KYNU: variants seen among roughly 807,000 people sequenced by gnomAD.
KYNU encodes the protein L-kynurenine hydrolase.
In KYNU, 54 loss-of-function variants were observed where a neutral mutation model predicts 59.2. The ratio of observed to expected loss-of-function variants is 0.91; its 90% CI spans 0.73 to 1.14. The LOEUF is 1.14. Ranked by LOEUF, KYNU falls within the 50% of genes most tolerant of loss-of-function variation. The pLI is 0.00. For missense variants in KYNU, 567 were observed against 554.4 expected (o/e 1.02, Z -0.23); for synonymous variants, 177 against 192.0 (o/e 0.92, Z 0.65).
chr2:142,906,068 T>C lies in KYNU; in HGVS notation c.170-12541T>C, dbSNP rs576566509. Among the ~76,000 whole-genome samples, 1,148 of 151,610 alleles carry C rather than the reference T, an allele frequency of 7.6e-3. 13 individuals carry two copies. Among genetic ancestry groups the C allele is most frequent in the African/African-American group, 0.027 (1,107 of 41,214 alleles). Reference sequence around the variant, plus strand: ...CTCTCTCTGCCTCTTTCTCTTTCTCTCCTCTCTGTCTCTCTCTCTCTCTCA... The same window carrying C: ...CTCTCTCTGCCTCTTTCTCTTTCTCCCCTCTCTGTCTCTCTCTCTCTCTCA... On this transcript the variant is annotated intron_variant, in intron 2 of 13. Transcript: ENST00000264170.
intron 8 of KYNU, among the ~76,000 whole-genome samples, chr2:142,974,432 G>A (rs1684827628): frequency 6.6e-6 from 1 of 152,198 alleles, no homozygotes. Context: ...AAACAGGAAA[G>A]GCAGCTTCTA....
At chr2:143,029,856 T>G (rs1686692522) in intron 11 of KYNU, among the ~76,000 whole-genome samples, 177 bp downstream of exon 11, 1 of 152,134 alleles carries the variant, frequency 6.6e-6, no homozygotes, top group South Asian at 2.1e-4. Flanking sequence ...GTTTATAGAT[T>G]TTAGCATGAT....
chr2:142,968,871 C>A (rs1270613169), intron 8 of KYNU, among the ~76,000 whole-genome samples: 2 of 152,064 alleles, frequency 1.3e-5, no homozygotes, highest in Non-Finnish European at 2.9e-5. Context: ...CAAGATCACA[C>A]CATTGCACTC....
rs188180123 is a variant in KYNU at position 142,952,099 on chromosome 2, T to C, written c.374-2711T>C. On this transcript the variant is annotated intron_variant, in intron 4 of 13. Coordinates refer to ENST00000264170, the MANE Select transcript of KYNU (RefSeq NM_003937.3). Reference sequence around the variant, plus strand: ...GTGTTTTGTTTGTTTGTTTTGTTTTTTGAGACAGAATCTCCCTCTGTCACC... The same window carrying C: ...GTGTTTTGTTTGTTTGTTTTGTTTTCTGAGACAGAATCTCCCTCTGTCACC... 7.8e-3 allele frequency among the ~76,000 whole-genome samples: 1,195 copies of C among 152,274 alleles called. 13 individuals carry two copies. The highest frequency in any genetic ancestry group is 0.028 in the African/African-American group (1,151 of 41,554).
At chr2:143,004,049 C>T (rs1366047446) in intron 10 of KYNU, among the ~76,000 whole-genome samples, 11 of 152,188 alleles carry the variant, frequency 7.2e-5, no homozygotes, top group African/African-American at 2.2e-4. Flanking sequence ...AGACAGATTA[C>T]TTAATATGCC....
At chr2:142,894,783 A>G (rs1363369675) in intron 2 of KYNU, among the ~76,000 whole-genome samples, 1 of 152,176 alleles carries the variant, frequency 6.6e-6, no homozygotes, top group Non-Finnish European at 1.5e-5. Context: ...CTAATGCCAT[A>G]GTTCAATTAT....
intron 10 of KYNU, among the ~76,000 whole-genome samples, chr2:143,027,464 T>G (rs1215599295): frequency 2.0e-5 from 3 of 152,200 alleles, no homozygotes; most frequent in Admixed American, 2.0e-4. Flanking sequence ...TTTTTGTTTG[T>G]TTTGTTTGCT....
At chr2:142,904,989 A>G (rs915298503) in intron 2 of KYNU, among the ~76,000 whole-genome samples, 4 of 152,150 alleles carry the variant, frequency 2.6e-5, no homozygotes, top group African/African-American at 9.7e-5. Context: ...TGAGTCTTTC[A>G]TAACAACCTG....
intron 2 of KYNU, among the ~76,000 whole-genome samples, chr2:142,889,786 A>C (rs1681645068): frequency 6.6e-6 from 1 of 152,206 alleles, no homozygotes. Context: ...CACCAAGAAA[A>C]TAAACTTTCT....
At chr2:143,002,479 G>A (rs190815650) in intron 10 of KYNU, among the ~76,000 whole-genome samples, 3 of 152,244 alleles carry the variant, frequency 2.0e-5, no homozygotes, top group Admixed American at 2.0e-4. Flanking sequence ...CTGTGATACT[G>A]TTTGAACGCT....
At position 142,908,639 on chromosome 2, in the gene KYNU, A is replaced by AT. The variant is rs1183924760; in HGVS notation, c.170-9970_170-9969insT. Among the ~76,000 whole-genome samples, 17 of 105,468 alleles carry AT rather than the reference A, an allele frequency of 1.6e-4. No individual in the cohort carries two copies. The East Asian group carries it at 4.7e-3, about 29-fold the overall frequency. The allele number at this position is 105,468 out of a possible 152,430, so 69.2% of individuals were successfully genotyped here. On this transcript the variant is annotated intron_variant, in intron 2 of 13. Transcript: ENST00000264170. ...AGTCCTAATAAAATATGAAATGATC[A>AT]ATTTTTTTTTTTTGAGATGGAGTCT...
At chr2:143,020,204 G>A (rs1284538505) in intron 10 of KYNU, among the ~76,000 whole-genome samples, 1 of 151,882 alleles carries the variant, frequency 6.6e-6, no homozygotes, top group East Asian at 1.9e-4. Flanking sequence ...TCCTTGAGGT[G>A]CATCATTAGG....
At chr2:142,878,807 A>G (rs1268846182) in intron 1 of KYNU, among the ~76,000 whole-genome samples, 1 of 152,238 alleles carries the variant, frequency 6.6e-6, no homozygotes, top group African/African-American at 2.4e-5. Flanking sequence ...ATCAGAAGGT[A>G]TTGATAATTT....
chr2:143,030,318 C>CT (rs1558983668), intron 11 of KYNU, among the ~76,000 whole-genome samples: 2 of 152,152 alleles, frequency 1.3e-5, no homozygotes, highest in Non-Finnish European at 2.9e-5. Flanking sequence ...AAGTGAAACT[C>CT]TACCATGCAG....
chr2:142,999,007 CAAAAAAAAAAAAAAA>C (rs59742828), intron 10 of KYNU, among the ~76,000 whole-genome samples: 18 of 63,462 alleles, frequency 2.8e-4, no homozygotes, highest in East Asian at 1.8e-3. Flanking sequence ...GACTCCGTCT[CAAAAAAAAAAAAAAA>C]AAAAAAAAAA....
At chr2:142,990,131 G>A (rs996513143) in intron 10 of KYNU, 1 of 151,712 alleles carries the variant, frequency 6.6e-6, no homozygotes, top group Non-Finnish European at 1.5e-5. Context: ...TATTAACTTA[G>A]CTCATTGCAA....
intron 2 of KYNU, among the ~76,000 whole-genome samples, chr2:142,891,735 C>A (rs909578212): frequency 1.4e-4 from 21 of 152,088 alleles, no homozygotes; most frequent in African/African-American, 5.1e-4. Flanking sequence ...GCATACTTTT[C>A]TCTATAAACT....
In KYNU at chr2:143,043,410, AAG is replaced by A. The variant is rs552567182; in HGVS notation, c.*1241_*1242del. On this transcript the variant is annotated 3_prime_UTR_variant, in exon 14 of 14. Coordinates refer to ENST00000264170, the MANE Select transcript of KYNU (RefSeq NM_003937.3). Reference sequence around the variant, plus strand: ...TAGATTTGTATACATAGTCAACAAAAAGAGTGACATAATTATTGCCTCCAATT... The same window carrying A: ...TAGATTTGTATACATAGTCAACAAAAAGTGACATAATTATTGCCTCCAATT... 6 of 151,714 alleles carry A rather than the reference AAG, an allele frequency of 4.0e-5. No homozygotes were observed. The South Asian group carries it at 1.0e-3, about 26-fold the overall frequency. 9.4% of individuals were successfully genotyped at this position (151,714 alleles called of 1,614,324 possible). A position where few individuals can be genotyped will look rare whatever the true frequency, so the allele number is the denominator to read the frequency against.
intron 10 of KYNU, among the ~76,000 whole-genome samples, chr2:142,990,730 T>C (rs1423851212): frequency 6.6e-6 from 1 of 151,892 alleles, no homozygotes; most frequent in Admixed American, 6.6e-5. Flanking sequence ...TGAGCTTTTT[T>C]GAATGGGCAA....
Sources: allele counts gnomAD v4.1 joint callset (sites outside exome capture counted in the v4.1 genomes callset), GRCh38; gene constraint gnomAD v4.1.1; transcripts MANE v1.5; gene names NCBI Gene and HGNC (gene_info 2026-07-23, HGNC 2026-07-21).